ALDH7A1: variants seen among roughly 807,000 people sequenced by gnomAD.
ALDH7A1 encodes the protein aldehyde dehydrogenase 7 family member A1.
In ALDH7A1, 63 loss-of-function variants were observed where a neutral mutation model predicts 79.9. That is an observed-to-expected ratio of 0.79 (90% CI 0.64 to 0.97). The LOEUF is 0.97. Among genes scored for constraint, ALDH7A1 ranks in the 50% least tolerant of loss-of-function variants. ALDH7A1 has a pLI of 0.00. For synonymous variants in ALDH7A1, 240 were observed against 231.2 expected (o/e 1.04, Z -0.34); for missense variants, 627 against 665.2 (o/e 0.94, Z 0.63).
Position 126,555,937 on chromosome 5 carries a change from A to G in ALDH7A1, c.1087T>C (p.Trp363Arg), listed in dbSNP as rs886044173. 1 of 1,612,640 alleles carries G rather than the reference A, an allele frequency of 6.2e-7. No homozygotes were observed. The highest frequency in any genetic ancestry group is 1.3e-5 in the African/African-American group (1 of 75,036). The change falls in exon 12 of 18, where the codon TGG becomes CGG. Residue 363 changes from tryptophan (W) to arginine (R), a missense_variant. Trp to Arg is a moderately radical substitution (Grantham distance 101, BLOSUM62 -3). Coordinates refer to ENST00000409134, the MANE Select transcript of ALDH7A1 (RefSeq NM_001182.5). Reference protein sequence around the residue: ...AYAQIRVGNPWDPNVLYGPLH... With the variant: ...AYAQIRVGNPRDPNVLYGPLH... ...AGCAGAAGGAGATACTCACGGTCCC[A>G]TGGGTTCCCAACTCGGATCTGTGCA...
intron 11 of ALDH7A1, among the ~76,000 whole-genome samples, chr5:126,556,778 T>C (rs1389217173): frequency 6.6e-6 from 1 of 152,180 alleles, no homozygotes; most frequent in East Asian, 1.9e-4. Flanking sequence ...TCTGGGTAGT[T>C]GTCAGGTCCA....
At position 126,561,282 on chromosome 5, in the gene ALDH7A1, T is replaced by A. The variant is rs185474123; in HGVS notation, c.872-158A>T. 3,528 of 465,982 alleles carry A rather than the reference T, an allele frequency of 7.6e-3. 23 individuals carry two copies. Among genetic ancestry groups the A allele is most frequent in the Non-Finnish European group, 0.011 (2,878 of 264,840 alleles). The allele number at this position is 465,982 out of a possible 1,614,324, so 28.9% of individuals were successfully genotyped here. A position where few individuals can be genotyped will look rare whatever the true frequency, so the allele number is the denominator to read the frequency against. Reference sequence around the variant, plus strand: ...TATAGCCTATCCTGATTACACCCTATCCCAATTATTTTTCAACTTATTTTC... The same window carrying A: ...TATAGCCTATCCTGATTACACCCTAACCCAATTATTTTTCAACTTATTTTC... On this transcript the variant is annotated intron_variant, in intron 9 of 17. Transcript: ENST00000409134.
intron 3 of ALDH7A1, chr5:126,589,151 G>C (rs1751457378): frequency 6.6e-6 from 1 of 152,054 alleles, no homozygotes; most frequent in Admixed American, 6.6e-5. Context: ...AAAAATAAAA[G>C]TCTATTAATT....
chr5:126,584,133 C>T lies in ALDH7A1; in HGVS notation c.313-121G>A. The T allele has an allele frequency of 4.6e-6, 4 of 870,436 alleles. No individual in the cohort carries two copies. The Admixed American group carries it at 8.1e-5, about 18-fold the overall frequency. The allele number at this position is 870,436 out of a possible 1,614,324, so 53.9% of individuals were successfully genotyped here. ...TCATATCAAAGAAGACTTTTGATCA[C>T]ATCAAAACTGTGATATGGCCAGGCA... On this transcript the variant is annotated intron_variant, in intron 3 of 17. Coordinates refer to ENST00000409134, the MANE Select transcript of ALDH7A1 (RefSeq NM_001182.5).
intron 6 of ALDH7A1, 69 bp from the exon 7 acceptor site, chr5:126,575,533 T>C (rs1474956520): frequency 1.4e-6 from 2 of 1,399,530 alleles, no homozygotes; most frequent in Non-Finnish European, 2.0e-6. Context: ...TACCTTTTAT[T>C]ATCAAACAGA....
rs755414252 is a variant in ALDH7A1, at chr5:126,575,186, GT to G, written c.695+233del. Among the ~76,000 whole-genome samples, 62 of 152,280 alleles carry G rather than the reference GT, an allele frequency of 4.1e-4. 1 individual carries two copies. Among genetic ancestry groups the G allele is most frequent in the Non-Finnish European group, 2.5e-4 (17 of 68,026 alleles). On this transcript the variant is annotated intron_variant, in intron 7 of 17. Transcript: ENST00000409134. ...TTTATTTTCCAAGTGACAAAATAAT[GT>G]CTGCAAGAGTTCAATCAATATGTCA...
chr5:126,546,447 G>A (rs747587814), intron 16 of ALDH7A1, 48 bp from the exon 17 acceptor site: 1 of 1,553,246 alleles, frequency 6.4e-7, no homozygotes, highest in Non-Finnish European at 8.9e-7. Context: ...GTTTCCATGT[G>A]GGCTCATAGT....
At chr5:126,593,215 T>C in intron 2 of ALDH7A1, 136 bp downstream of exon 2, 1 of 1,411,402 alleles carries the variant, frequency 7.1e-7, no homozygotes, top group Non-Finnish European at 9.6e-7. Context: ...CATTATTCTC[T>C]TCATTTGTGA....
chr5:126,545,969 C>G (rs887071749), intron 17 of ALDH7A1, among the ~76,000 whole-genome samples: 1 of 151,976 alleles, frequency 6.6e-6, no homozygotes, highest in South Asian at 2.1e-4. Context: ...AAAAATTAGC[C>G]GGGTGCTGTG....
intron 4 of ALDH7A1, among the ~76,000 whole-genome samples, chr5:126,583,483 A>AAAAT (rs551771301): frequency 2.9e-3 from 431 of 151,172 alleles, no homozygotes; most frequent in African/African-American, 7.7e-3. Flanking sequence ...CTCCATCTCA[A>AAAAT]AAATAAATAA....
chr5:126,594,438 A>ATT (rs34684581), intron 1 of ALDH7A1: 6,404 of 183,886 alleles, frequency 0.035, 9 homozygotes, highest in South Asian at 0.063. Context: ...TAAGGTTTTA[A>ATT]TTTTTTTTTT....
intron 13 of ALDH7A1, among the ~76,000 whole-genome samples, chr5:126,552,454 T>C (rs1750032161): frequency 6.6e-6 from 1 of 152,152 alleles, no homozygotes; most frequent in African/African-American, 2.4e-5. Context: ...GTGCAATGGC[T>C]TGATCTCAGC....
chr5:126,594,174 T>C, intron 1 of ALDH7A1: 1 of 471,066 alleles, frequency 2.1e-6, no homozygotes, highest in Non-Finnish European at 4.4e-6. Flanking sequence ...TGTTAAGCCC[T>C]GGGCAATGGA....
At chr5:126,593,237 T>G in intron 2 of ALDH7A1, 114 bp downstream of exon 2, 1 of 1,486,412 alleles carries the variant, frequency 6.7e-7, no homozygotes, top group Non-Finnish European at 9.1e-7. Flanking sequence ...TTTATATTAT[T>G]CTTGACCTGC....
chr5:126,575,280 T>C (rs1750925665), intron 7 of ALDH7A1, 140 bp downstream of exon 7: 5 of 729,042 alleles, frequency 6.9e-6, no homozygotes, highest in Non-Finnish European at 1.1e-5. Context: ...TATATAAAAA[T>C]AATATTACAA....
chr5:126,564,960 C>T (rs1262523572), intron 9 of ALDH7A1, among the ~76,000 whole-genome samples: 1 of 152,152 alleles, frequency 6.6e-6, no homozygotes, highest in African/African-American at 2.4e-5. Flanking sequence ...TATAATTCTA[C>T]TACTACTACT....
rs551576248 is a variant in ALDH7A1 at position 126,568,513 on chromosome 5, G to T, written c.774-157C>A. 1.0e-5 allele frequency: 7 copies of T among 698,748 alleles called. No individual in the cohort carries two copies. The South Asian group carries it at 1.1e-4, about 11-fold the overall frequency. The allele number at this position is 698,748 out of a possible 1,614,324, so 43.3% of individuals were successfully genotyped here. A position where few individuals can be genotyped will look rare whatever the true frequency, so the allele number is the denominator to read the frequency against. On this transcript the variant is annotated intron_variant, in intron 8 of 17. Coordinates refer to ENST00000409134, the MANE Select transcript of ALDH7A1 (RefSeq NM_001182.5). ...AGCAAGGGAAGGTCTTCATGAGAAGGAAAAAAGTTTTTCACAGGTAGAACC... is the reference window on the plus strand; with the variant it reads ...AGCAAGGGAAGGTCTTCATGAGAAGTAAAAAAGTTTTTCACAGGTAGAACC...
chr5:126,548,599 G>A (rs763257744), intron 16 of ALDH7A1, among the ~76,000 whole-genome samples: 2 of 151,730 alleles, frequency 1.3e-5, no homozygotes, highest in Non-Finnish European at 2.9e-5. Context: ...GCTAATTTTT[G>A]TAATTTTTGT....
At chr5:126,590,039 CG>C (rs1163699732) in intron 3 of ALDH7A1, among the ~76,000 whole-genome samples, 24 of 134,306 alleles carry the variant, frequency 1.8e-4, no homozygotes, top group African/African-American at 7.0e-4. Flanking sequence ...GCCCAGCTGC[CG>C]CCCCGTCTGG....
Sources: gnomAD v4.1 joint callset for allele counts (sites outside exome capture counted in the v4.1 genomes callset) on GRCh38, gnomAD v4.1.1 for gene constraint, MANE v1.5 for transcripts, NCBI Gene and HGNC (gene_info 2026-07-23, HGNC 2026-07-21) for gene names.